SLC4A4: variants seen among roughly 807,000 people sequenced by gnomAD.
SLC4A4 encodes the protein electrogenic sodium bicarbonate cotransporter 1.
A neutral mutation model predicts 111.5 loss-of-function variants in SLC4A4; 27 were observed. The observed-to-expected ratio is 0.24, with a 90% CI of 0.18 to 0.33. The LOEUF (loss-of-function observed/expected upper bound fraction) is 0.33. Among genes scored for constraint, SLC4A4 ranks in the 10% least tolerant of loss-of-function variants. The pLI, the probability that SLC4A4 is intolerant of heterozygous loss-of-function variation, is 1.00. For synonymous variants in SLC4A4, 443 were observed against 463.4 expected (o/e 0.96, Z 0.57); for missense variants, 909 against 1,315.5 (o/e 0.69, Z 4.78).
intron 2 of SLC4A4, among the ~76,000 whole-genome samples, chr4:71,132,283 C>T (rs1743726637): frequency 6.6e-6 from 1 of 152,076 alleles, no homozygotes; most frequent in Non-Finnish European, 1.5e-5. Context: ...TATTAATCCA[C>T]CCCTTCTCCA....
chr4:71,387,931 A>G (rs748412204), intron 6 of SLC4A4, among the ~76,000 whole-genome samples: 17 of 152,198 alleles, frequency 1.1e-4, no homozygotes, highest in Non-Finnish European at 2.5e-4. Flanking sequence ...TAAATTAGAC[A>G]CTGTATGTGT....
intron 1 of SLC4A4, among the ~76,000 whole-genome samples, chr4:71,204,338 GC>G (rs1326509791): frequency 6.6e-6 from 1 of 152,184 alleles, no homozygotes; most frequent in Non-Finnish European, 1.5e-5. Context: ...TTACCAGGAA[GC>G]CATTATGACA....
chr4:71,450,678 A>G, intron 10 of SLC4A4, 135 bp downstream of exon 10: 1 of 803,682 alleles, frequency 1.2e-6, no homozygotes, highest in Non-Finnish European at 2.0e-6. Context: ...TATTTTCTCA[A>G]ATGGATCACT....
At chr4:71,247,343 A>T in intron 2 of SLC4A4, among the ~76,000 whole-genome samples, 1 of 148,310 alleles carries the variant, frequency 6.7e-6, no homozygotes, top group Admixed American at 6.8e-5. Flanking sequence ...AGATTAACAT[A>T]TATTAAAATA....
At chr4:71,266,891 T>C (rs1038296603) in intron 3 of SLC4A4, among the ~76,000 whole-genome samples, 2 of 152,188 alleles carry the variant, frequency 1.3e-5, no homozygotes, top group Admixed American at 1.3e-4. Flanking sequence ...TCCTGGGCAC[T>C]GGGGCTATAG....
chr4:71,520,441 G>A (rs1732825524), intron 16 of SLC4A4, among the ~76,000 whole-genome samples: 1 of 152,184 alleles, frequency 6.6e-6, no homozygotes, highest in South Asian at 2.1e-4. Flanking sequence ...GTACAGATTA[G>A]TGCTGCATTT....
In SLC4A4 at chr4:71,525,236, T is replaced by C. The variant is rs116274041; in HGVS notation, c.2167-6826T>C. 3.3e-3 allele frequency among the ~76,000 whole-genome samples: 501 copies of C among 152,288 alleles called. 3 individuals carry two copies. Among genetic ancestry groups the C allele is most frequent in the African/African-American group, 0.012 (488 of 41,564 alleles). On this transcript the variant is annotated intron_variant, in intron 16 of 25. Coordinates refer to ENST00000264485, the MANE Select transcript of SLC4A4 (RefSeq NM_001098484.3). ...CCACTTAATTTCTTCTTTGCTTTGGTAGTTTAAATATTTAAGCTGCTGGCT... is the reference window on the plus strand; with the variant it reads ...CCACTTAATTTCTTCTTTGCTTTGGCAGTTTAAATATTTAAGCTGCTGGCT...
At chr4:71,217,893 C>CTTTTGGCTTTTCTTCCT (rs1553963632) in intron 1 of SLC4A4, among the ~76,000 whole-genome samples, 1 of 152,208 alleles carries the variant, frequency 6.6e-6, no homozygotes, top group Non-Finnish European at 1.5e-5. Flanking sequence ...ACATGCACTG[C>CTTTTGGCTTTTCTTCCT]TTTTGGCTTT....
At chr4:71,152,744 G>T (rs2148972812) in intron 2 of SLC4A4, among the ~76,000 whole-genome samples, 1 of 151,904 alleles carries the variant, frequency 6.6e-6, no homozygotes, top group East Asian at 1.9e-4. Context: ...TGCCCACCCA[G>T]GTTAAGGATG....
rs1224242201 is a variant in SLC4A4, at chr4:71,197,484, A to G, written c.-2+10083A>G. ...ACTTATTGATTATTTGAGATTAAAA[A>G]TGAATTGTTAGCAGTTTTATAAATA... On this transcript the variant is annotated intron_variant, in intron 1 of 25. Coordinates refer to ENST00000264485, the MANE Select transcript of SLC4A4 (RefSeq NM_001098484.3). 3.3e-5 allele frequency among the ~76,000 whole-genome samples: 5 copies of G among 152,232 alleles called. 1 individual carries two copies.
chr4:71,279,609 T>C (rs1010263218), intron 3 of SLC4A4, among the ~76,000 whole-genome samples: 1 of 152,152 alleles, frequency 6.6e-6, no homozygotes, highest in African/African-American at 2.4e-5. Flanking sequence ...TTCCTTAAGA[T>C]AGTAATTTTG....
intron 16 of SLC4A4, among the ~76,000 whole-genome samples, chr4:71,522,449 T>C (rs564465539): frequency 2.0e-5 from 3 of 152,164 alleles, no homozygotes; most frequent in Admixed American, 6.5e-5. Flanking sequence ...TAGAGCAGGA[T>C]TGGGGTTAGT....
At chr4:71,437,418 A>G (rs186808836) in intron 7 of SLC4A4, 167 of 300,616 alleles carry the variant, frequency 5.6e-4, no homozygotes, top group Non-Finnish European at 7.7e-4. Flanking sequence ...TAATACTGGA[A>G]ATAATTAATT....
intron 2 of SLC4A4, among the ~76,000 whole-genome samples, chr4:71,160,963 A>G (rs1015751807): frequency 2.6e-5 from 4 of 152,226 alleles, no homozygotes; most frequent in African/African-American, 9.6e-5. Context: ...TATCCTCCAG[A>G]TAAATATAAA....
At chr4:71,536,476 A>T (rs922022517) in intron 18 of SLC4A4, among the ~76,000 whole-genome samples, 3 of 93,120 alleles carry the variant, frequency 3.2e-5, no homozygotes, top group Admixed American at 1.3e-4. Flanking sequence ...ATATATATAT[A>T]TATATATATA....
chr4:71,080,849 G>A (rs1741976238), intron 1 of SLC4A4, among the ~76,000 whole-genome samples: 1 of 151,966 alleles, frequency 6.6e-6, no homozygotes, highest in Non-Finnish European at 1.5e-5. Flanking sequence ...CTATTACATA[G>A]AGTTCCATTT....
chr4:71,552,517 T>C (rs530539189), intron 20 of SLC4A4, among the ~76,000 whole-genome samples: 1 of 151,904 alleles, frequency 6.6e-6, no homozygotes, highest in Non-Finnish European at 1.5e-5. Flanking sequence ...ATTCAAATAC[T>C]ATCAGCACAT....
intron 14 of SLC4A4, among the ~76,000 whole-genome samples, chr4:71,484,847 G>A (rs959584034): frequency 6.6e-6 from 1 of 151,676 alleles, no homozygotes; most frequent in South Asian, 2.1e-4. Flanking sequence ...GTGGTTTGTG[G>A]TTCTCCTTGT....
At chr4:71,376,758 T>A (rs1021501834) in intron 6 of SLC4A4, among the ~76,000 whole-genome samples, 1 of 151,954 alleles carries the variant, frequency 6.6e-6, no homozygotes. Context: ...TGCCTCAGTC[T>A]CCCAAGTAGC....
Sources: allele counts gnomAD v4.1 joint callset (sites outside exome capture counted in the v4.1 genomes callset), GRCh38; gene constraint gnomAD v4.1.1; transcripts MANE v1.5; gene names NCBI Gene and HGNC (gene_info 2026-07-23, HGNC 2026-07-21).